DNAH3: variants seen among roughly 807,000 people sequenced by gnomAD.
The protein encoded by DNAH3 is axonemal beta dynein heavy chain 3.
In DNAH3, 332 loss-of-function variants were observed where a neutral mutation model predicts 432.5. The observed-to-expected ratio is 0.77, with a 90% CI of 0.70 to 0.84. DNAH3 has a LOEUF of 0.84. Among genes scored for constraint, DNAH3 ranks in the 40% least tolerant of loss-of-function variants. DNAH3 has a pLI of 0.00. For synonymous variants in DNAH3, 1,956 were observed against 1,900.2 expected (o/e 1.03, Z -0.76); for missense variants, 4,861 against 5,114.0 (o/e 0.95, Z 1.51).
At chr16:20,978,271 G>A (rs540613263) in intron 50 of DNAH3, among the ~76,000 whole-genome samples, 58 of 152,308 alleles carry the variant, frequency 3.8e-4, no homozygotes, top group South Asian at 2.9e-3. Context: ...GCTCATGCCT[G>A]TAATCCCAGC....
exon 53 of DNAH3, chr16:20,964,049 C>T (rs1418345259): frequency 6.2e-7 from 1 of 1,614,066 alleles, no homozygotes; most frequent in Non-Finnish European, 8.5e-7. Context: ...ATGGAAGCAA[C>T]TTTCTGTTTC....
At chr16:20,979,189 G>T in intron 50 of DNAH3, 141 bp downstream of exon 50, 1 of 685,346 alleles carries the variant, frequency 1.5e-6, no homozygotes, top group Non-Finnish European at 2.5e-6. Flanking sequence ...TTACAGTGAT[G>T]TAGGTAAGGT....
At chr16:20,962,139 C>T (rs550132298) in intron 53 of DNAH3, among the ~76,000 whole-genome samples, 75 of 151,020 alleles carry the variant, frequency 5.0e-4, no homozygotes, top group Non-Finnish European at 8.6e-4. Flanking sequence ...CCAGCCTGGG[C>T]GATAGAGCAA....
rs55797285 is a variant in DNAH3 at position 21,040,358 on chromosome 16, A to ATTTTTTT, written c.4639-422_4639-416dup. ...TCAGAAGAATCCCAAAGCCAGACAG[A>ATTTTTTT]TTTTTTTTTTTTTTTTTTTTTTTTT... On this transcript the variant is annotated intron_variant, in intron 32 of 61. Coordinates refer to ENST00000261383, the Ensembl canonical transcript of DNAH3. 3.9e-4 allele frequency among the ~76,000 whole-genome samples: 31 copies of ATTTTTTT among 79,710 alleles called. 3 individuals carry two copies. The highest frequency in any genetic ancestry group is 1.5e-3 in the African/African-American group (27 of 17,724). The allele number at this position is 79,710 out of a possible 152,430, so 52.3% of individuals were successfully genotyped here.
At chr16:21,081,109 G>A (rs576721707) in intron 20 of DNAH3, among the ~76,000 whole-genome samples, 1 of 151,916 alleles carries the variant, frequency 6.6e-6, no homozygotes, top group Non-Finnish European at 1.5e-5. Context: ...GTAGAAACGG[G>A]GGTTTCACTA....
intron 31 of DNAH3, among the ~76,000 whole-genome samples, chr16:21,042,675 C>CT (rs1026112019): frequency 4.0e-5 from 6 of 151,566 alleles, no homozygotes; most frequent in African/African-American, 7.3e-5. Flanking sequence ...GATCTTTTTT[C>CT]TTTTTTTTAA....
At chr16:21,012,376 A>G (rs1445179568) in intron 41 of DNAH3, among the ~76,000 whole-genome samples, 2 of 152,222 alleles carry the variant, frequency 1.3e-5, no homozygotes, top group African/African-American at 4.8e-5. Context: ...AATAAAAAAC[A>G]TATGAAAAAC....
chr16:21,124,775 G>A (rs112266523), intron 9 of DNAH3, among the ~76,000 whole-genome samples: 3,489 of 151,756 alleles, frequency 0.023, 135 homozygotes, highest in African/African-American at 0.078. Flanking sequence ...TCAGCCTCCC[G>A]AGTAGTTGGG....
Position 21,052,972 on chromosome 16 carries a change from C to T in DNAH3, c.4040-1104G>A, listed in dbSNP as rs368250809. Among the ~76,000 whole-genome samples, 17 of 152,246 alleles carry T rather than the reference C, an allele frequency of 1.1e-4. No homozygotes were observed. In the South Asian group the frequency reaches 2.7e-3, roughly 24 times the overall value. On this transcript the variant is annotated intron_variant, in intron 28 of 61. Coordinates refer to ENST00000261383, the Ensembl canonical transcript of DNAH3. Reference sequence around the variant, plus strand: ...GCTCTTCTTTTTTCTCTCATGGGAACGTAAGCCCTGATTTAATTTTATCCA... The same window carrying T: ...GCTCTTCTTTTTTCTCTCATGGGAATGTAAGCCCTGATTTAATTTTATCCA...
At chr16:20,938,129 C>T (rs763504146) in intron 59 of DNAH3, among the ~76,000 whole-genome samples, 3 of 152,128 alleles carry the variant, frequency 2.0e-5, no homozygotes, top group Non-Finnish European at 4.4e-5. Context: ...TGGGGGCTCA[C>T]GCCTGTAATC....
In DNAH3 at chr16:21,157,090, T is replaced by C. The variant is rs571295155; in HGVS notation, c.117+2235A>G. Among the ~76,000 whole-genome samples, 153 of 151,850 alleles carry C rather than the reference T, an allele frequency of 1.0e-3. 1 individual carries two copies. Among genetic ancestry groups the C allele is most frequent in the Admixed American group, 2.6e-3 (39 of 15,236 alleles). Reference sequence around the variant, plus strand: ...ACAAAGTGCATGACGCCAGACAAGATTGGCTAAAACTTAAGAATTTAGGGA... The same window carrying C: ...ACAAAGTGCATGACGCCAGACAAGACTGGCTAAAACTTAAGAATTTAGGGA... On this transcript the variant is annotated intron_variant, in intron 1 of 61. Transcript: ENST00000261383.
At chr16:20,994,632 A>C (rs1250263483) in intron 44 of DNAH3, among the ~76,000 whole-genome samples, 2 of 152,098 alleles carry the variant, frequency 1.3e-5, no homozygotes, top group Non-Finnish European at 2.9e-5. Context: ...TCATTCATTC[A>C]ACATTCACTC....
chr16:20,984,029 G>GGAAAAA (rs771857325), intron 48 of DNAH3, among the ~76,000 whole-genome samples: 6 of 112,156 alleles, frequency 5.3e-5, no homozygotes, highest in African/African-American at 1.7e-4. Flanking sequence ...CCTATATCCA[G>GGAAAAA]AAAAAAAAAA....
intron 41 of DNAH3, among the ~76,000 whole-genome samples, chr16:21,004,921 T>A (rs983535118): frequency 6.6e-6 from 1 of 152,218 alleles, no homozygotes; most frequent in African/African-American, 2.4e-5. Context: ...TTTGTTGTCA[T>A]TGACACTATA....
At position 20,966,014 on chromosome 16, in the gene DNAH3, A is replaced by ATTTTTTT. The variant is rs555983378; in HGVS notation, c.8459-596_8459-590dup. The stretch of plus-strand genomic sequence containing the variant: ...AGGCCTGAGCCACCATGCCCAGCCA[A>ATTTTTTT]TTTTTTTTTTTTTTTTTTTTTTTTT... On this transcript the variant is annotated intron_variant, in intron 52 of 61. Coordinates refer to ENST00000261383, the Ensembl canonical transcript of DNAH3. 8.5e-4 allele frequency among the ~76,000 whole-genome samples: 41 copies of ATTTTTTT among 48,388 alleles called. 4 individuals are homozygous for ATTTTTTT. Among genetic ancestry groups the ATTTTTTT allele is most frequent in the East Asian group, 1.8e-3 (4 of 2,196 alleles). 31.7% of individuals were successfully genotyped at this position (48,388 alleles called of 152,430 possible). A position where few individuals can be genotyped will look rare whatever the true frequency, so the allele number is the denominator to read the frequency against.
At chr16:21,116,693 G>C (rs921693202) in intron 12 of DNAH3, among the ~76,000 whole-genome samples, 10 of 152,180 alleles carry the variant, frequency 6.6e-5, no homozygotes, top group African/African-American at 1.9e-4. Flanking sequence ...TGTGGGTTCA[G>C]ATAACTGATT....
chr16:20,972,599 G>A (rs1189966738), intron 51 of DNAH3, among the ~76,000 whole-genome samples: 1 of 152,002 alleles, frequency 6.6e-6, no homozygotes, highest in Non-Finnish European at 1.5e-5. Context: ...AAGTGAAAAA[G>A]CATCTGTAAT....
intron 5 of DNAH3, 115 bp downstream of exon 6, chr16:21,140,421 T>A: frequency 8.9e-7 from 1 of 1,122,282 alleles, no homozygotes; most frequent in Non-Finnish European, 1.3e-6. Context: ...GTCTAGACTT[T>A]GGTGTTTTTC....
At chr16:20,953,611 C>A (rs1251836611) in intron 55 of DNAH3, among the ~76,000 whole-genome samples, 2 of 151,486 alleles carry the variant, frequency 1.3e-5, no homozygotes, top group Non-Finnish European at 2.9e-5. Flanking sequence ...GGATCTCGTT[C>A]TTTTGCCCAG....
Sources: allele counts gnomAD v4.1 joint callset (sites outside exome capture counted in the v4.1 genomes callset), GRCh38; gene constraint gnomAD v4.1.1; transcripts MANE v1.5; gene names NCBI Gene and HGNC (gene_info 2026-07-23, HGNC 2026-07-21).